Variants in CLSTN2 observed in about 807,000 individuals in gnomAD.
CLSTN2 encodes the protein calsyntenin-2.
A neutral mutation model predicts 101.2 loss-of-function variants in CLSTN2; 48 were observed. The ratio of observed to expected loss-of-function variants is 0.47; its 90% CI spans 0.38 to 0.60. The LOEUF (loss-of-function observed/expected upper bound fraction) is 0.60, where lower values mean the gene tolerates loss of function less well. Ranked by LOEUF, CLSTN2 falls within the 20% of genes least tolerant of loss-of-function variation. CLSTN2 has a pLI of 0.00. For missense variants in CLSTN2, 1,160 were observed against 1,238.2 expected, an observed-to-expected ratio of 0.94 and a Z score of 0.95; for synonymous variants, 481 against 463.6, an observed-to-expected ratio of 1.04 and a Z score of -0.48.
In CLSTN2 at chr3:140,382,586, T is replaced by G. The variant is rs148358662; in HGVS notation, c.233-21043T>G. 9.8e-5 allele frequency among the ~76,000 whole-genome samples: 15 copies of G among 152,316 alleles called. No homozygotes were observed. In the East Asian group the frequency reaches 2.7e-3, roughly 27 times the overall value. On this transcript the variant is annotated intron_variant, in intron 2 of 16. Transcript: ENST00000458420. ...GGGCTGTGCTCTACCTCATTCCTTT[T>G]GGGGCCCAGGTTAACAGGATAATTG...
chr3:139,935,829 C>T lies in CLSTN2; in HGVS notation c.109+346C>T, dbSNP rs1250309537. Among the ~76,000 whole-genome samples the T allele has an allele frequency of 2.0e-5, 3 of 152,074 alleles. No homozygotes were observed. Among genetic ancestry groups the T allele is most frequent in the Non-Finnish European group, 4.4e-5 (3 of 68,008 alleles). Reference sequence around the variant, plus strand: ...CGGCTAGAGCAGGGCGCTGGCGCGCCGTGGGGACAAGCAGGTGTCTGCTCC... The same window carrying T: ...CGGCTAGAGCAGGGCGCTGGCGCGCTGTGGGGACAAGCAGGTGTCTGCTCC... On this transcript the variant is annotated intron_variant, in intron 1 of 16. Coordinates refer to ENST00000458420, the MANE Select transcript of CLSTN2 (RefSeq NM_022131.3). This position sits in a 1 kb window ranked among gnomAD's most constrained non-coding sequence, Gnocchi z 5.5.
intron 1 of CLSTN2, among the ~76,000 whole-genome samples, chr3:140,149,125 A>T (rs1392401367): frequency 6.6e-6 from 1 of 152,128 alleles, no homozygotes; most frequent in Non-Finnish European, 1.5e-5. Context: ...ACCCCCTTAG[A>T]AATGTCCATT....
chr3:140,264,398 AT>A (rs2086677993), intron 2 of CLSTN2, among the ~76,000 whole-genome samples: 1 of 39,408 alleles, frequency 2.5e-5, no homozygotes, highest in African/African-American at 1.4e-4. Context: ...ATATATATAT[AT>A]ATATATATAT....
chr3:140,390,620 G>C (rs1195869532), intron 2 of CLSTN2, among the ~76,000 whole-genome samples: 2 of 152,214 alleles, frequency 1.3e-5, no homozygotes, highest in Non-Finnish European at 2.9e-5. Flanking sequence ...AATGGTGATA[G>C]TGTTATTTAT....
intron 1 of CLSTN2, among the ~76,000 whole-genome samples, chr3:140,084,791 C>G (rs1275875985): frequency 6.6e-6 from 1 of 152,170 alleles, no homozygotes; most frequent in Admixed American, 6.5e-5. Flanking sequence ...TTTCCAGCAT[C>G]TGCAACAAGC....
intron 1 of CLSTN2, among the ~76,000 whole-genome samples, chr3:139,993,795 A>G (rs186024302): frequency 1.4e-4 from 22 of 152,326 alleles, no homozygotes; most frequent in Admixed American, 6.5e-4. Flanking sequence ...TCCTCATCTG[A>G]CAAACGGGTA....
chr3:140,516,918 A>T (rs1340081765), intron 8 of CLSTN2, among the ~76,000 whole-genome samples: 1 of 152,206 alleles, frequency 6.6e-6, no homozygotes, highest in African/African-American at 2.4e-5. Context: ...TATTCCTTCA[A>T]ATACGTTTTC....
At chr3:140,223,081 T>C (rs2086289342) in intron 2 of CLSTN2, among the ~76,000 whole-genome samples, 1 of 152,198 alleles carries the variant, frequency 6.6e-6, no homozygotes, top group Non-Finnish European at 1.5e-5. Context: ...CTTGTCTTCT[T>C]AACCATGTCC....
chr3:140,561,499 A>G (rs750803843), intron 12 of CLSTN2, among the ~76,000 whole-genome samples: 1 of 152,198 alleles, frequency 6.6e-6, no homozygotes, highest in Non-Finnish European at 1.5e-5. Flanking sequence ...TACATTAATT[A>G]TATTAATTTA....
rs570060770 is a variant in CLSTN2 at position 140,373,698 on chromosome 3, C to T, written c.233-29931C>T. ...CTATTTTAGGGCAAAGGAACAATCA[C>T]TCTAACCTACATACACCATCATGTG... On this transcript the variant is annotated intron_variant, in intron 2 of 16. Transcript: ENST00000458420. Among the ~76,000 whole-genome samples, 12 of 152,338 alleles carry T rather than the reference C, an allele frequency of 7.9e-5. No individual in the cohort carries two copies. In the South Asian group the frequency reaches 1.0e-3, roughly 13 times the overall value.
At chr3:140,352,741 C>CT (rs149909433) in intron 2 of CLSTN2, among the ~76,000 whole-genome samples, 2 of 151,972 alleles carry the variant, frequency 1.3e-5, no homozygotes, top group African/African-American at 2.4e-5. Context: ...ATTTCTGGGA[C>CT]TTTTTTTTCT....
chr3:139,984,508 A>T (rs1379115051), intron 1 of CLSTN2, among the ~76,000 whole-genome samples: 1 of 152,114 alleles, frequency 6.6e-6, no homozygotes, highest in Non-Finnish European at 1.5e-5. Flanking sequence ...ATCTCTCAGC[A>T]GCCTTTAACA....
chr3:140,076,218 T>C (rs759929813), intron 1 of CLSTN2, among the ~76,000 whole-genome samples: 1 of 152,230 alleles, frequency 6.6e-6, no homozygotes, highest in Non-Finnish European at 1.5e-5. Flanking sequence ...TTCATCCTTG[T>C]TGTTGCCTAT....
At chr3:139,975,040 T>C (rs1935791365) in intron 1 of CLSTN2, among the ~76,000 whole-genome samples, 1 of 152,174 alleles carries the variant, frequency 6.6e-6, no homozygotes, top group Non-Finnish European at 1.5e-5. Context: ...GATATCTCTA[T>C]GGAGGAGGAG....
intron 1 of CLSTN2, among the ~76,000 whole-genome samples, chr3:140,086,044 G>T (rs1462235040): frequency 1.3e-5 from 2 of 152,102 alleles, no homozygotes; most frequent in Non-Finnish European, 2.9e-5. Flanking sequence ...TCTCTCATGG[G>T]TCTCTTTTCC....
intron 2 of CLSTN2, among the ~76,000 whole-genome samples, chr3:140,228,622 T>G (rs992463264): frequency 6.6e-6 from 1 of 152,162 alleles, no homozygotes; most frequent in Middle Eastern, 3.2e-3. Flanking sequence ...ATGCTGCTGA[T>G]AAAGATATAC....
At chr3:140,092,188 T>C (rs1057064026) in intron 1 of CLSTN2, among the ~76,000 whole-genome samples, 4 of 152,090 alleles carry the variant, frequency 2.6e-5, no homozygotes, top group African/African-American at 9.7e-5. Flanking sequence ...CTTAGAAGTG[T>C]TTAGGAATTG....
chr3:140,157,052 A>G lies in CLSTN2; in HGVS notation c.110-18899A>G, dbSNP rs115287982. Among the ~76,000 whole-genome samples the G allele has an allele frequency of 6.2e-3, 950 of 152,276 alleles. 4 individuals carry two copies. Among genetic ancestry groups the G allele is most frequent in the African/African-American group, 0.02 (820 of 41,560 alleles). The stretch of plus-strand genomic sequence containing the variant: ...TGCCCCTGCCCTTTGTAGAGGATAC[A>G]GTGTGAAGTAGATTGACTTCCTAGA... On this transcript the variant is annotated intron_variant, in intron 1 of 16. Transcript: ENST00000458420.
intron 2 of CLSTN2, among the ~76,000 whole-genome samples, chr3:140,401,241 G>A (rs758318543): frequency 1.3e-5 from 2 of 152,198 alleles, no homozygotes; most frequent in Non-Finnish European, 2.9e-5. Flanking sequence ...TGAATGTTAG[G>A]TTCTGTTCTA....
Sources: allele counts gnomAD v4.1 joint callset (sites outside exome capture counted in the v4.1 genomes callset), GRCh38; gene constraint gnomAD v4.1.1; non-coding constraint Gnocchi (gnomAD v3.1); transcripts MANE v1.5; gene names NCBI Gene and HGNC (gene_info 2026-07-23, HGNC 2026-07-21).